The following HELLS variants were observed in gnomAD, a reference collection of about 807,000 sequenced individuals.
HELLS encodes helicase, lymphoid specific.
HELLS carries 32 observed loss-of-function variants against 120.0 expected under a neutral mutation model. That is an observed-to-expected ratio of 0.27 (90% CI 0.20 to 0.36). The LOEUF is 0.36. Among genes scored for constraint, HELLS ranks in the 10% least tolerant of loss-of-function variants. The probability of loss-of-function intolerance (pLI) is 1.00; values close to 1 mark genes in which losing one functional copy is unlikely to be tolerated. For missense variants in HELLS, 650 were observed against 993.4 expected, an observed-to-expected ratio of 0.65 and a Z score of 4.65; for synonymous variants, 341 against 323.4, an observed-to-expected ratio of 1.05 and a Z score of -0.58.
rs759474097 is a variant in HELLS at position 94,573,957 on chromosome 10, C to T, written c.478-3C>T. On this transcript the variant is annotated splice_region_variant and splice_polypyrimidine_tract_variant and intron_variant, in intron 7 of 21. Coordinates refer to ENST00000348459, the MANE Select transcript of HELLS (RefSeq NM_018063.5). ...CATCTTATTAAACTTTTTTTCTCTA[C>T]AGGATGAAAACTCCTCCTCTACTAA... 1 of 1,563,674 alleles carries T rather than the reference C, an allele frequency of 6.4e-7. No homozygotes were observed. The highest frequency in any genetic ancestry group is 2.2e-5 in the East Asian group (1 of 44,576).
chr10:94,567,970 T>C lies in HELLS; in HGVS notation c.436-3418T>C, dbSNP rs1434883181. 1.0e-4 allele frequency among the ~76,000 whole-genome samples: 15 copies of C among 148,562 alleles called. No homozygotes were observed. The Admixed American group carries it at 1.0e-3, about 10-fold the overall frequency. ...CTGTCGCCAGGCTGGAATGCAGTGC[T>C]GCGATCTTGACTCACTGCAACCTCC... On this transcript the variant is annotated intron_variant, in intron 6 of 21. Transcript: ENST00000348459.
intron 4 of HELLS, among the ~76,000 whole-genome samples, chr10:94,559,665 C>T (rs1456850122): frequency 1.3e-5 from 2 of 151,770 alleles, no homozygotes; most frequent in African/African-American, 4.8e-5. Flanking sequence ...GGGCTGGTTT[C>T]GAATTCCTGA....
chr10:94,610,081 T>C (rs893926002), exon 10 of HELLS: 8 of 152,166 alleles, frequency 5.3e-5, no homozygotes, highest in African/African-American at 1.9e-4. Flanking sequence ...GCTTGCTAAT[T>C]TGGTCTTAGC....
At chr10:94,571,306 G>A in intron 6 of HELLS, 82 bp from the exon 7 acceptor site, 2 of 1,135,776 alleles carry the variant, frequency 1.8e-6, no homozygotes, top group South Asian at 2.8e-5. Context: ...GGCAAAATGA[G>A]CACAGAATAA....
chr10:94,594,869 T>C lies in HELLS; in HGVS notation c.2248+15T>C, dbSNP rs773817818. The C allele has an allele frequency of 2.0e-5, 31 of 1,572,000 alleles. No homozygotes were observed. The highest frequency in any genetic ancestry group is 3.3e-4 in the Middle Eastern group (2 of 5,974). ...CATCCATAAAAGTAAATAACACTTATGTAGTGCTTTATTGTTTAAATTGTG... is the reference window on the plus strand; with the variant it reads ...CATCCATAAAAGTAAATAACACTTACGTAGTGCTTTATTGTTTAAATTGTG... On this transcript the variant is annotated intron_variant, in intron 19 of 21. Transcript: ENST00000348459.
chr10:94,546,370 C>T lies in HELLS; in HGVS notation c.32-7C>T, dbSNP rs1389418571. The T allele has an allele frequency of 2.5e-6, 4 of 1,613,850 alleles. No homozygotes were observed. Among genetic ancestry groups the T allele is most frequent in the Admixed American group, 1.7e-5 (1 of 59,986 alleles). ...AACTGCAATTTGAAAGCTTTCTCCC[C>T]CGTCAGGCTCGGAGGCTCCAGCAAT... is the stretch of plus-strand genomic sequence containing the variant. On this transcript the variant is annotated splice_polypyrimidine_tract_variant and splice_region_variant and intron_variant, in intron 1 of 21. Coordinates refer to ENST00000348459, the MANE Select transcript of HELLS (RefSeq NM_018063.5).
chr10:94,553,193 A>T (rs1048043373), intron 2 of HELLS, among the ~76,000 whole-genome samples: 7 of 152,176 alleles, frequency 4.6e-5, no homozygotes, highest in Non-Finnish European at 8.8e-5. Flanking sequence ...ATCTGTACAT[A>T]ACAAGGTAAT....
At chr10:94,575,801 G>GTA (rs1844441641) in intron 9 of HELLS, among the ~76,000 whole-genome samples, 1 of 150,176 alleles carries the variant, frequency 6.7e-6, no homozygotes, top group Non-Finnish European at 1.5e-5. Context: ...GTGTGTGTGT[G>GTA]TGTGTGTGTG....
chr10:94,605,643 CTTT>C (rs1206815493), downstream of HELLS, among the ~76,000 whole-genome samples: 6 of 125,098 alleles, frequency 4.8e-5, no homozygotes, highest in Admixed American at 8.1e-5. Flanking sequence ...TTAATGGTTC[CTTT>C]TTTTTTTTTT....
At chr10:94,580,145 A>G (rs1350770416) in intron 10 of HELLS, among the ~76,000 whole-genome samples, 21 of 73,330 alleles carry the variant, frequency 2.9e-4, no homozygotes, top group East Asian at 2.7e-3. Context: ...ATATATATAT[A>G]TATATATATA....
downstream of HELLS, among the ~76,000 whole-genome samples, chr10:94,606,550 A>T (rs559968798): frequency 6.6e-6 from 1 of 151,572 alleles, no homozygotes; most frequent in Admixed American, 6.6e-5. Context: ...GGGTCTTGCT[A>T]TGTTGCCCAG....
chr10:94,591,351 T>C (rs994561442), intron 15 of HELLS, among the ~76,000 whole-genome samples: 1 of 152,248 alleles, frequency 6.6e-6, no homozygotes, highest in Non-Finnish European at 1.5e-5. Context: ...AAACCAGTTT[T>C]GATTTGGAGG....
downstream of HELLS, among the ~76,000 whole-genome samples, chr10:94,605,805 AT>A (rs1846122433): frequency 6.6e-6 from 1 of 151,656 alleles, no homozygotes; most frequent in Non-Finnish European, 1.5e-5. Flanking sequence ...TAAATTTTTA[AT>A]TTTTTGTGGA....
chr10:94,604,879 A>G (rs897802594), downstream of HELLS, among the ~76,000 whole-genome samples: 2 of 151,958 alleles, frequency 1.3e-5, no homozygotes, highest in African/African-American at 2.4e-5. Flanking sequence ...GCCCCTCAGT[A>G]TATTAAAACA....
chr10:94,610,008 A>G (rs1352768408), exon 10 of HELLS: 1 of 152,152 alleles, frequency 6.6e-6, no homozygotes, highest in East Asian at 1.9e-4. Flanking sequence ...TCATTGATCA[A>G]TTCGTTATTG....
rs745593922 is a variant in HELLS, at chr10:94,601,564, T to A, written c.2459T>A (p.Met820Lys). 1.3e-6 allele frequency: 2 copies of A among 1,585,222 alleles called. No homozygotes were observed. The highest frequency in any genetic ancestry group is 1.7e-6 in the Non-Finnish European group (2 of 1,158,376). Residue 820 changes from methionine to lysine, a missense_variant, in exon 22 of 22, where the codon ATG becomes AAG. This residue lies in a region of HELLS where 90 missense variants were observed against 109.2 expected (regional missense o/e 0.82). Transcript: ENST00000348459. ...MNASGPIKEKMGIFKILENSE... is the reference protein window; with the variant it reads ...MNASGPIKEKKGIFKILENSE... Reference sequence around the variant, plus strand: ...GCTTCAGGACCAATTAAAGAGAAGATGGGGATATTCAAGATATTAGAAAAT... The same window carrying A: ...GCTTCAGGACCAATTAAAGAGAAGAAGGGGATATTCAAGATATTAGAAAAT...
chr10:94,558,176 A>G lies in HELLS; in HGVS notation c.314A>G (p.Glu105Gly), dbSNP rs753013064. Reference protein sequence around the residue: ...KKKEKLERKKESLKVKKGKNS... With the variant: ...KKKEKLERKKGSLKVKKGKNS... ...AAAGAAAAATTGGAGAGAAAAAAGG[A>G]GTCTTTAAAAGTTAAAAAGGTAATA... Residue 105 changes from glutamate (E) to glycine (G), a missense_variant, in exon 4 of 22, where the codon GAG becomes GGG. Glu to Gly is a moderately conservative substitution (Grantham distance 98). Transcript: ENST00000348459. The G allele has an allele frequency of 1.3e-6, 2 of 1,566,136 alleles. No homozygotes were observed. The highest frequency in any genetic ancestry group is 1.7e-6 in the Non-Finnish European group (2 of 1,164,168).
intron 13 of HELLS, among the ~76,000 whole-genome samples, chr10:94,589,843 C>T (rs1027093186): frequency 4.0e-5 from 6 of 151,808 alleles, no homozygotes; most frequent in Admixed American, 2.0e-4. Flanking sequence ...CCCGCCACCA[C>T]GCTTGGCTAA....
At chr10:94,557,237 C>T (rs1007010548) in intron 3 of HELLS, 1 of 354,608 alleles carries the variant, frequency 2.8e-6, no homozygotes, top group Admixed American at 3.6e-5. Context: ...GTCCCGGTGT[C>T]CCCATCACCC....
Sources: gnomAD v4.1 joint callset for allele counts (sites outside exome capture counted in the v4.1 genomes callset) on GRCh38, gnomAD v4.1.1 for gene constraint, gnomAD v4.1.1 regional missense constraint, MANE v1.5 for transcripts, NCBI Gene and HGNC (gene_info 2026-07-23, HGNC 2026-07-21) for gene names.